SHPK: variants seen among roughly 807,000 people sequenced by gnomAD.
SHPK encodes carbohydrate kinase-like protein.
A neutral mutation model predicts 46.3 loss-of-function variants in SHPK; 51 were observed. The ratio of observed to expected loss-of-function variants is 1.10; its 90% CI spans 0.88 to 1.39. SHPK has a LOEUF of 1.39. Among genes scored for constraint, SHPK ranks in the 40% most tolerant of loss-of-function variants. The pLI is 0.00. For missense variants in SHPK, 668 were observed against 641.3 expected (o/e 1.04, Z -0.45); for synonymous variants, 290 against 273.9 (o/e 1.06, Z -0.58).
In SHPK at chr17:3,621,367, G is replaced by A. The variant is rs780851286; in HGVS notation, c.693C>T (p.Ala231=). The A allele has an allele frequency of 1.6e-5, 26 of 1,614,108 alleles. 1 individual carries two copies. Among genetic ancestry groups the A allele is most frequent in the South Asian group, 1.3e-4 (12 of 91,084 alleles). The part of the protein sequence containing the change: ...GFPVHLLPDI[A]EPGSVAGRTS... Reference sequence around the variant, plus strand: ...TTCTGCCCGCCACACTGCCAGGCTCGGCGATGTCTGGGAGCAGGTGGACAG... The same window carrying A: ...TTCTGCCCGCCACACTGCCAGGCTCAGCGATGTCTGGGAGCAGGTGGACAG... Residue 231 remains alanine (A), a synonymous_variant, in exon 5 of 7, where the codon GCC becomes GCT. Coordinates refer to ENST00000225519, the MANE Select transcript of SHPK (RefSeq NM_013276.4).
At chr17:3,621,879 C>G (rs1269487949) in intron 4 of SHPK, among the ~76,000 whole-genome samples, 1 of 151,920 alleles carries the variant, frequency 6.6e-6, no homozygotes, top group Non-Finnish European at 1.5e-5. Context: ...TCTCGAACTC[C>G]TGACCTCACA....
chr17:3,623,990 G>C (rs1409577182), intron 3 of SHPK, 58 bp downstream of exon 3: 4 of 1,505,238 alleles, frequency 2.7e-6, no homozygotes, highest in Non-Finnish European at 2.7e-6. Context: ...ACGCAGCCCC[G>C]GCCTATTCTC....
At chr17:3,618,650 T>G (rs1041385617) in intron 5 of SHPK, among the ~76,000 whole-genome samples, 1 of 151,930 alleles carries the variant, frequency 6.6e-6, no homozygotes, top group Admixed American at 6.6e-5. Context: ...TGTGGTGGCG[T>G]GCGCCTGTAG....
intron 6 of SHPK, among the ~76,000 whole-genome samples, chr17:3,613,623 C>A (rs1190216379): frequency 2.0e-5 from 3 of 152,194 alleles, no homozygotes; most frequent in African/African-American, 4.8e-5. Flanking sequence ...CCCGCCTCAG[C>A]CTCCCAAAGT....
chr17:3,632,671 T>C (rs1390226457), intron 1 of SHPK, among the ~76,000 whole-genome samples: 1 of 152,084 alleles, frequency 6.6e-6, no homozygotes, highest in East Asian at 1.9e-4. Flanking sequence ...TGGCTCAGAA[T>C]ATCAGTTGGT....
intron 3 of SHPK, 66 bp downstream of exon 3, chr17:3,623,982 G>C: frequency 6.8e-7 from 1 of 1,459,964 alleles, no homozygotes; most frequent in Non-Finnish European, 9.4e-7. Flanking sequence ...TGATGCTGAC[G>C]CAGCCCCGGC....
rs1176556831 is a variant in SHPK at position 3,609,164 on chromosome 17, G to A, written c.*1396C>T. 3 of 152,230 alleles carry A rather than the reference G, an allele frequency of 2.0e-5. No homozygotes were observed. The highest frequency in any genetic ancestry group is 2.9e-5 in the Non-Finnish European group (2 of 68,070). The allele number at this position is 152,230 out of a possible 1,614,324, so 9.4% of individuals were successfully genotyped here. A position where few individuals can be genotyped will look rare whatever the true frequency, so the allele number is the denominator to read the frequency against. The stretch of plus-strand genomic sequence containing the variant: ...GCTTCCCAAAGTGCTGGGATTACAG[G>A]CGGGAGCCAACATGCCCGGCCAAGA... On this transcript the variant is annotated 3_prime_UTR_variant, in exon 7 of 7. Transcript: ENST00000225519.
intron 6 of SHPK, among the ~76,000 whole-genome samples, chr17:3,613,638 G>A (rs2075354709): frequency 1.3e-5 from 2 of 152,070 alleles, no homozygotes; most frequent in South Asian, 4.2e-4. Context: ...CAAAGTGCTG[G>A]GATTACAGGC....
rs2075323912 is a variant in SHPK at position 3,609,623 on chromosome 17, G to A, written c.*937C>T. 6.6e-6 allele frequency: 1 copy of A among 152,314 alleles called. No individual in the cohort carries two copies. The allele number at this position is 152,314 out of a possible 1,614,324, so 9.4% of individuals were successfully genotyped here. On this transcript the variant is annotated 3_prime_UTR_variant, in exon 7 of 7. Transcript: ENST00000225519. ...GCGAAAGGAGAGCCTGGGCCTATGG[G>A]ATACAGAGTTCTCTTTGAATAAACT...
chr17:3,616,105 G>C (rs911862613), intron 5 of SHPK, among the ~76,000 whole-genome samples: 1 of 152,082 alleles, frequency 6.6e-6, no homozygotes, highest in African/African-American at 2.4e-5. Flanking sequence ...ACCCACCTCG[G>C]CCTCCCAAAG....
chr17:3,623,975 T>G, intron 3 of SHPK, 73 bp downstream of exon 3: 1 of 1,426,340 alleles, frequency 7.0e-7, no homozygotes, highest in South Asian at 1.3e-5. Flanking sequence ...GGCGGGGTGA[T>G]GCTGACGCAG....
chr17:3,621,748 G>A (rs1220337435), intron 4 of SHPK, among the ~76,000 whole-genome samples: 1 of 151,806 alleles, frequency 6.6e-6, no homozygotes, highest in Non-Finnish European at 1.5e-5. Context: ...CACCTCCCAG[G>A]TTCAAGCAAT....
Position 3,636,036 on chromosome 17 carries a change from C to G in SHPK, c.168+16G>C. The G allele has an allele frequency of 1.3e-6, 2 of 1,530,924 alleles. No individual in the cohort carries two copies. The highest frequency in any genetic ancestry group is 1.2e-5 in the South Asian group (1 of 82,506). The allele number at this position is 1,530,924 out of a possible 1,614,324, so 94.8% of individuals were successfully genotyped here. On this transcript the variant is annotated intron_variant, in intron 1 of 6. Coordinates refer to ENST00000225519, the MANE Select transcript of SHPK (RefSeq NM_013276.4). ...GAGGCTCCTGGAGGCGGCGCGGCCC[C>G]GGGGGTCCAACTCACCTGGGGCCCG...
At chr17:3,633,760 G>C (rs1271250330) in intron 1 of SHPK, among the ~76,000 whole-genome samples, 1 of 152,108 alleles carries the variant, frequency 6.6e-6, no homozygotes, top group African/African-American at 2.4e-5. Context: ...ACCCCGTCTG[G>C]GTAGTGTACC....
chr17:3,625,389 G>C (rs1426998422), intron 2 of SHPK, among the ~76,000 whole-genome samples: 1 of 152,172 alleles, frequency 6.6e-6, no homozygotes, highest in African/African-American at 2.4e-5. Context: ...AAGTACTGCA[G>C]CTCCCGCCCA....
chr17:3,624,215 C>T lies in SHPK; in HGVS notation c.327G>A (p.Glu109=). The T allele has an allele frequency of 6.2e-7, 1 of 1,612,072 alleles. No individual in the cohort carries two copies. Among genetic ancestry groups the T allele is most frequent in the Non-Finnish European group, 8.5e-7 (1 of 1,178,420 alleles). The part of the protein sequence containing the change: ...WKTGQGCEWT[E]GGITPVFEPR... ...GCTCGAACACCGGGGTAATCCCTCCCTCTGTCCATTCACAGCCTGGAACAA... is the reference window on the plus strand; with the variant it reads ...GCTCGAACACCGGGGTAATCCCTCCTTCTGTCCATTCACAGCCTGGAACAA... Residue 109 remains glutamate, a synonymous_variant, in exon 3 of 7, where the codon GAG becomes GAA. Coordinates refer to ENST00000225519, the MANE Select transcript of SHPK (RefSeq NM_013276.4).
At chr17:3,634,496 C>T (rs1479759254) in intron 1 of SHPK, among the ~76,000 whole-genome samples, 2 of 147,414 alleles carry the variant, frequency 1.4e-5, no homozygotes, top group South Asian at 2.1e-4. Context: ...CACTTGAACC[C>T]GGGAGGCAGA....
rs2075463248 is a variant in SHPK, at chr17:3,630,336, T to C, written c.179A>G (p.Gln60Arg). 1.9e-6 allele frequency: 3 copies of C among 1,608,722 alleles called. No homozygotes were observed. The highest frequency in any genetic ancestry group is 2.5e-6 in the Non-Finnish European group (3 of 1,176,716). ...GGCTTGGAGGATTCTACTCACATCC[T>C]GCTCCCGCCCCTGGAAGCAAAAGAG... is the stretch of plus-strand genomic sequence containing the variant. ...SAVAGPQGRE[Q>R]DVSRILQALH... Residue 60 changes from glutamine (Q) to arginine (R), a missense_variant, in exon 2 of 7, where the codon CAG becomes CGG. By Grantham distance (43) the Gln-to-Arg change is conservative. Coordinates refer to ENST00000225519, the MANE Select transcript of SHPK (RefSeq NM_013276.4).
intron 2 of SHPK, among the ~76,000 whole-genome samples, chr17:3,628,574 G>A (rs1158665371): frequency 6.6e-6 from 1 of 152,136 alleles, no homozygotes; most frequent in East Asian, 1.9e-4. Context: ...GCCCGCCTCA[G>A]CCTCCCAAAG....
Sources: allele counts gnomAD v4.1 joint callset (sites outside exome capture counted in the v4.1 genomes callset), GRCh38; gene constraint gnomAD v4.1.1; transcripts MANE v1.5; gene names NCBI Gene and HGNC (gene_info 2026-07-23, HGNC 2026-07-21).